The following TBC1D22A variants were observed in gnomAD, a reference collection of about 807,000 sequenced individuals.
TBC1D22A encodes putative GTPase activator.
A neutral mutation model predicts 60.2 loss-of-function variants in TBC1D22A; 38 were observed. That is an observed-to-expected ratio of 0.63 (90% CI 0.49 to 0.83). The LOEUF is 0.83. Among genes scored for constraint, TBC1D22A ranks in the 40% least tolerant of loss-of-function variants. The probability of loss-of-function intolerance (pLI) is 0.00; values close to 1 mark genes in which losing one functional copy is unlikely to be tolerated. For missense variants in TBC1D22A, 628 were observed against 701.0 expected (o/e 0.90, Z 1.18); for synonymous variants, 302 against 281.7 (o/e 1.07, Z -0.72).
chr22:46,765,792 T>C (rs2083261282), intron 1 of TBC1D22A, among the ~76,000 whole-genome samples: 2 of 150,886 alleles, frequency 1.3e-5, no homozygotes, highest in Non-Finnish European at 3.0e-5. Context: ...TTTTTTTTTT[T>C]TTTCTGAGAC....
chr22:46,842,481 G>A (rs931899996), intron 4 of TBC1D22A, among the ~76,000 whole-genome samples: 1 of 152,132 alleles, frequency 6.6e-6, no homozygotes, highest in East Asian at 1.9e-4. Context: ...CCATCATTCC[G>A]TCTCTTCTTT....
chr22:46,793,464 C>A (rs755155720), intron 2 of TBC1D22A, 37 bp from the exon 3 acceptor site: 1 of 1,606,138 alleles, frequency 6.2e-7, no homozygotes, highest in Non-Finnish European at 8.5e-7. Context: ...GTGAAGCCTT[C>A]GAGCATGTAC....
intron 10 of TBC1D22A, among the ~76,000 whole-genome samples, chr22:47,026,218 G>C (rs1031571687): frequency 6.6e-6 from 1 of 152,130 alleles, no homozygotes; most frequent in African/African-American, 2.4e-5. Context: ...AGAACAGAAA[G>C]GAACTTTTGA....
At chr22:47,133,541 G>A (rs1601620407) in intron 12 of TBC1D22A, among the ~76,000 whole-genome samples, 1 of 152,210 alleles carries the variant, frequency 6.6e-6, no homozygotes, top group Admixed American at 6.5e-5. Flanking sequence ...GATTCCAGCT[G>A]TGCAGCAGAG....
At chr22:46,822,491 G>T (rs1569089756) in intron 4 of TBC1D22A, among the ~76,000 whole-genome samples, 1 of 152,106 alleles carries the variant, frequency 6.6e-6, no homozygotes, top group Non-Finnish European at 1.5e-5. Context: ...GCAATAGTCA[G>T]GTCCCTGTTC....
At chr22:47,007,761 G>A (rs1602965487) in intron 10 of TBC1D22A, among the ~76,000 whole-genome samples, 1 of 152,098 alleles carries the variant, frequency 6.6e-6, no homozygotes, top group East Asian at 1.9e-4. Context: ...CTCTTATAGG[G>A]ACACTAATCC....
chr22:46,945,942 GACCCCAAGT>G (rs754961218), intron 8 of TBC1D22A, among the ~76,000 whole-genome samples: 1 of 152,172 alleles, frequency 6.6e-6, no homozygotes, highest in African/African-American at 2.4e-5. Context: ...GCAGAACTGG[GACCCCAAGT>G]ACTTTAGAAT....
At chr22:46,998,877 C>T (rs950011929) in intron 10 of TBC1D22A, among the ~76,000 whole-genome samples, 1 of 152,256 alleles carries the variant, frequency 6.6e-6, no homozygotes, top group Non-Finnish European at 1.5e-5. Flanking sequence ...CGTTCATGTG[C>T]GCTCACCGCA....
chr22:46,776,906 T>G (rs2083730419), intron 1 of TBC1D22A, among the ~76,000 whole-genome samples: 1 of 149,802 alleles, frequency 6.7e-6, no homozygotes, highest in South Asian at 2.1e-4. Context: ...AGGAAGACCT[T>G]GAAGGATGTT....
rs183294829 is a variant in TBC1D22A at position 46,978,855 on chromosome 22, C to T, written c.1125+4456C>T. On this transcript the variant is annotated intron_variant, in intron 9 of 12. Coordinates refer to ENST00000337137, the MANE Select transcript of TBC1D22A (RefSeq NM_014346.5). ...AACTCCTGACCTCAAGTGATCTGCC[C>T]GCCTCAGCCTCCCAAAGTGCTGCGA... Among the ~76,000 whole-genome samples the T allele has an allele frequency of 2.2e-3, 335 of 152,268 alleles. 1 individual carries two copies. The highest frequency in any genetic ancestry group is 7.6e-3 in the African/African-American group (314 of 41,542).
intron 12 of TBC1D22A, chr22:47,116,081 C>T (rs1049757609): frequency 2.6e-5 from 4 of 152,304 alleles, no homozygotes; most frequent in African/African-American, 4.8e-5. Flanking sequence ...CCGCCGGCCC[C>T]CATCCTCGCC....
intron 4 of TBC1D22A, among the ~76,000 whole-genome samples, chr22:46,843,353 C>A (rs1470833166): frequency 6.6e-6 from 1 of 152,134 alleles, no homozygotes; most frequent in African/African-American, 2.4e-5. Context: ...AGAGATAAAA[C>A]AGCCACGGGT....
chr22:46,960,970 A>G (rs1361726474), intron 8 of TBC1D22A, among the ~76,000 whole-genome samples: 1 of 149,530 alleles, frequency 6.7e-6, no homozygotes, highest in Non-Finnish European at 1.5e-5. Context: ...AAAAAAAAAA[A>G]AAAAAAAGAT....
intron 11 of TBC1D22A, among the ~76,000 whole-genome samples, chr22:47,055,694 G>A (rs969658340): frequency 3.9e-5 from 6 of 152,024 alleles, no homozygotes; most frequent in Non-Finnish European, 8.8e-5. Flanking sequence ...GTGGGCAGGC[G>A]CACCTAGGAG....
intron 11 of TBC1D22A, among the ~76,000 whole-genome samples, chr22:47,073,293 A>G (rs948335426): frequency 3.3e-5 from 5 of 152,234 alleles, no homozygotes; most frequent in Admixed American, 6.5e-5. Context: ...TTGTTATTCC[A>G]GATACTGAAG....
chr22:46,843,292 C>T (rs1277630275), intron 4 of TBC1D22A, among the ~76,000 whole-genome samples: 4 of 152,084 alleles, frequency 2.6e-5, no homozygotes, highest in Admixed American at 6.5e-5. Context: ...AGCGCTCAGT[C>T]AAGTCAGCTG....
chr22:47,073,082 T>C (rs1026908661), intron 11 of TBC1D22A, among the ~76,000 whole-genome samples: 2 of 152,214 alleles, frequency 1.3e-5, no homozygotes, highest in African/African-American at 4.8e-5. Context: ...CCTCTTAAAA[T>C]TTAATACTGC....
At chr22:46,826,161 G>A (rs761362040) in intron 4 of TBC1D22A, among the ~76,000 whole-genome samples, 11 of 152,082 alleles carry the variant, frequency 7.2e-5, no homozygotes, top group African/African-American at 2.2e-4. Flanking sequence ...GATTATAGGC[G>A]TGAGCCACCA....
chr22:47,100,956 G>C (rs931954214), intron 11 of TBC1D22A, among the ~76,000 whole-genome samples: 1 of 152,140 alleles, frequency 6.6e-6, no homozygotes, highest in Non-Finnish European at 1.5e-5. Context: ...GGGCTTCTGT[G>C]AGCTTGCCAG....
Sources: allele counts gnomAD v4.1 joint callset (sites outside exome capture counted in the v4.1 genomes callset), GRCh38; gene constraint gnomAD v4.1.1; transcripts MANE v1.5; gene names NCBI Gene and HGNC (gene_info 2026-07-23, HGNC 2026-07-21).